CPLANE1: variants seen among roughly 807,000 people sequenced by gnomAD.
The protein encoded by CPLANE1 is ciliogenesis and planar polarity effector 1.
A neutral mutation model predicts 362.5 loss-of-function variants in CPLANE1; 263 were observed. That is an observed-to-expected ratio of 0.73 (90% CI 0.66 to 0.80). The LOEUF is 0.80. Ranked by LOEUF, CPLANE1 falls within the 30% of genes least tolerant of loss-of-function variation. The pLI is 0.00. For missense variants in CPLANE1, 3,461 were observed against 3,793.4 expected (o/e 0.91, Z 2.30); for synonymous variants, 1,212 against 1,302.6 (o/e 0.93, Z 1.50).
At chr5:37,191,720 A>C (rs1785599997) in intron 21 of CPLANE1, among the ~76,000 whole-genome samples, 2 of 152,140 alleles carry the variant, frequency 1.3e-5, no homozygotes. Flanking sequence ...CTGTAGTCCC[A>C]GTACTCAAGG....
chr5:37,077,609 T>C, the CPLANE1 span, among the ~76,000 whole-genome samples: 11 of 66,802 alleles, frequency 1.6e-4, no homozygotes, highest in African/African-American at 5.8e-4. Context: ...TGTGTGTCTT[T>C]TTTTTTTTTT....
Position 37,165,767 on chromosome 5 carries a change from C to T in CPLANE1, c.7401-96G>A, listed in dbSNP as rs561291950. The T allele has an allele frequency of 1.3e-4, 149 of 1,122,236 alleles. 2 individuals are homozygous for T. The East Asian group carries it at 2.5e-3, about 19-fold the overall frequency. The allele number at this position is 1,122,236 out of a possible 1,614,324, so 69.5% of individuals were successfully genotyped here. A position where few individuals can be genotyped will look rare whatever the true frequency, so the allele number is the denominator to read the frequency against. ...TATAGGGATACAGTTGACAAAATTA[C>T]GTTCATAAATTATTTTCAATAGCAT... On this transcript the variant is annotated intron_variant, in intron 35 of 52. Coordinates refer to ENST00000651892, the MANE Select transcript of CPLANE1 (RefSeq NM_001384732.1).
chr5:37,141,328 C>T, intron 44 of CPLANE1: 3 of 985,336 alleles, frequency 3.0e-6, no homozygotes, highest in Middle Eastern at 1.0e-3. Flanking sequence ...CCTGTTTAAC[C>T]TCATTTGTCA....
intron 44 of CPLANE1, chr5:37,141,629 A>G: frequency 1.0e-6 from 1 of 972,140 alleles, no homozygotes; most frequent in Non-Finnish European, 1.2e-6. Context: ...TAGAACATAT[A>G]CTAAACACTC....
chr5:37,111,291 T>C (rs1450321372), intron 51 of CPLANE1, among the ~76,000 whole-genome samples: 1 of 147,042 alleles, frequency 6.8e-6, no homozygotes, highest in African/African-American at 2.5e-5. Flanking sequence ...TAGCTAATTT[T>C]TTTTTTGTAT....
At chr5:37,193,079 T>C (rs889803844) in intron 21 of CPLANE1, among the ~76,000 whole-genome samples, 2 of 150,252 alleles carry the variant, frequency 1.3e-5, no homozygotes, top group African/African-American at 4.9e-5. Flanking sequence ...AGGCGGAGAA[T>C]TGCTTGAACC....
intron 21 of CPLANE1, among the ~76,000 whole-genome samples, chr5:37,194,639 G>A (rs1449847267): frequency 1.3e-5 from 2 of 151,426 alleles, no homozygotes; most frequent in Non-Finnish European, 2.9e-5. Context: ...TACTAAGGGT[G>A]AGTGAGTTAA....
At chr5:37,164,386 A>G in intron 36 of CPLANE1, 59 bp from the exon 37 acceptor site, 4 of 1,318,712 alleles carry the variant, frequency 3.0e-6, no homozygotes, top group Non-Finnish European at 4.3e-6. Flanking sequence ...ATTATTTTTG[A>G]AAAAAAAATC....
chr5:37,081,878 C>A, the CPLANE1 span, among the ~76,000 whole-genome samples: 6 of 152,066 alleles, frequency 3.9e-5, no homozygotes, highest in Non-Finnish European at 7.4e-5. Flanking sequence ...CAGTGGCACA[C>A]GCCTGTAATC....
the CPLANE1 span, among the ~76,000 whole-genome samples, chr5:37,098,626 T>C: frequency 2.0e-5 from 3 of 151,962 alleles, no homozygotes; most frequent in Non-Finnish European, 4.4e-5. Flanking sequence ...ATAGGCCATA[T>C]GTTAGGCCAC....
At chr5:37,145,890 T>C (rs1438681716) in intron 43 of CPLANE1, among the ~76,000 whole-genome samples, 2 of 152,178 alleles carry the variant, frequency 1.3e-5, no homozygotes, top group East Asian at 3.9e-4. Context: ...GAATGAAATC[T>C]AGGTACATGC....
chr5:37,180,783 A>T lies in CPLANE1; in HGVS notation c.5570+74T>A, dbSNP rs908741734. On this transcript the variant is annotated intron_variant, in intron 27 of 52. Transcript: ENST00000651892. Reference sequence around the variant, plus strand: ...CATTCCTTTAACTTTCAAGGGTTTGATCTTCCCTTTAAGCCCAAATGCCAT... The same window carrying T: ...CATTCCTTTAACTTTCAAGGGTTTGTTCTTCCCTTTAAGCCCAAATGCCAT... 2.8e-6 allele frequency: 4 copies of T among 1,419,958 alleles called. No individual in the cohort carries two copies. The South Asian group carries it at 4.9e-5, about 17-fold the overall frequency. 88.0% of individuals were successfully genotyped at this position (1,419,958 alleles called of 1,614,324 possible).
At chr5:37,153,591 C>G (rs1278679356) in intron 42 of CPLANE1, 149 bp downstream of exon 42, 1 of 757,110 alleles carries the variant, frequency 1.3e-6, no homozygotes, top group African/African-American at 1.8e-5. Context: ...TTAACTGGCT[C>G]AAATGTCAAT....
In CPLANE1 at chr5:37,106,925, G is replaced by A; in HGVS notation, c.*677C>T. 1 of 985,216 alleles carries A rather than the reference G, an allele frequency of 1.0e-6. No homozygotes were observed. Among genetic ancestry groups the A allele is most frequent in the Non-Finnish European group, 1.2e-6 (1 of 829,770 alleles). The allele number at this position is 985,216 out of a possible 1,614,324, so 61.0% of individuals were successfully genotyped here. ...AAAACTAATCAGGTCTCTGTACCAT[G>A]GTTCTTACAAATTTAAGATGAGCCT... On this transcript the variant is annotated 3_prime_UTR_variant, in exon 53 of 53. Coordinates refer to ENST00000651892, the MANE Select transcript of CPLANE1 (RefSeq NM_001384732.1).
chr5:37,143,730 T>C (rs1019760632), intron 43 of CPLANE1, among the ~76,000 whole-genome samples: 3 of 151,188 alleles, frequency 2.0e-5, no homozygotes, highest in Admixed American at 6.6e-5. Context: ...GGTCAGGAGT[T>C]CGAGAACAGC....
intron 50 of CPLANE1, among the ~76,000 whole-genome samples, chr5:37,118,082 T>C (rs1235898823): frequency 6.6e-6 from 1 of 152,194 alleles, no homozygotes; most frequent in Non-Finnish European, 1.5e-5. Context: ...ATTTTCTTAC[T>C]GTAATTTGTC....
chr5:37,138,949 CAT>C, intron 45 of CPLANE1, 101 bp from the exon 46 acceptor site: 1 of 1,003,966 alleles, frequency 1.0e-6, no homozygotes, highest in Non-Finnish European at 1.5e-6. Flanking sequence ...AAATGATAAA[CAT>C]ATATCTACTG....
chr5:37,227,730 T>A lies in CPLANE1; in HGVS notation c.1209A>T (p.Ile403=), dbSNP rs1207786624. ...GGTAGGGTAACCGTGAGTGTGCTTT[T>A]ATAGAAAATCTCTGTCTCATAGGGT... ...DSDPMRQRFS[I]KAHSRLPYLV... is the part of the protein sequence containing the mutation. Residue 403 remains isoleucine, a synonymous_variant, in exon 10 of 53, where the codon ATA becomes ATT. Transcript: ENST00000651892. 2 of 1,551,508 alleles carry A rather than the reference T, an allele frequency of 1.3e-6. No individual in the cohort carries two copies. Among genetic ancestry groups the A allele is most frequent in the Non-Finnish European group, 1.7e-6 (2 of 1,146,876 alleles).
At chr5:37,082,948 T>G in the CPLANE1 span, among the ~76,000 whole-genome samples, 3 of 152,126 alleles carry the variant, frequency 2.0e-5, no homozygotes, top group African/African-American at 7.2e-5. Context: ...TTATTAATTT[T>G]TGCTCCAGAA....
Sources: gnomAD v4.1 joint callset for allele counts (sites outside exome capture counted in the v4.1 genomes callset) on GRCh38, gnomAD v4.1.1 for gene constraint, MANE v1.5 for transcripts, NCBI Gene and HGNC (gene_info 2026-07-23, HGNC 2026-07-21) for gene names.